Variants in SLC16A12 observed in about 807,000 individuals in gnomAD.
The protein encoded by SLC16A12 is solute carrier family 16 member 12.
In SLC16A12, 17 loss-of-function variants were observed where a neutral mutation model predicts 42.4. The ratio of observed to expected loss-of-function variants is 0.40; its 90% CI spans 0.27 to 0.60. The LOEUF (loss-of-function observed/expected upper bound fraction) is 0.60, where lower values mean the gene tolerates loss of function less well. SLC16A12 is among the 20% of genes least tolerant of loss of function. The pLI is 0.42. For synonymous variants in SLC16A12, 224 were observed against 229.4 expected (o/e 0.98, Z 0.21); for missense variants, 544 against 623.0 (o/e 0.87, Z 1.35).
chr10:89,553,644 T>C (rs1409470779), intron 2 of SLC16A12, among the ~76,000 whole-genome samples: 1 of 152,096 alleles, frequency 6.6e-6, no homozygotes, highest in South Asian at 2.1e-4. Flanking sequence ...GGTTAGGGAG[T>C]GAACTGCTCA....
intron 2 of SLC16A12, among the ~76,000 whole-genome samples, chr10:89,542,785 C>T (rs1013270390): frequency 1.7e-4 from 26 of 152,174 alleles, no homozygotes; most frequent in African/African-American, 6.3e-4. Context: ...GAAACTCTGG[C>T]CATTCCTATT....
chr10:89,440,027 C>A (rs117660249), intron 5 of SLC16A12, among the ~76,000 whole-genome samples: 1 of 140,628 alleles, frequency 7.1e-6, no homozygotes, highest in Non-Finnish European at 1.5e-5. Flanking sequence ...GCTGAGATTG[C>A]GCCACTGCAC....
intron 2 of SLC16A12, among the ~76,000 whole-genome samples, chr10:89,524,933 T>C (rs747048185): frequency 1.3e-5 from 2 of 152,206 alleles, no homozygotes; most frequent in Non-Finnish European, 2.9e-5. Context: ...AAAGCTAAAC[T>C]GAGGCCGGGA....
chr10:89,439,201 T>A lies in SLC16A12; in HGVS notation c.449-18A>T, dbSNP rs777524548. 21 of 1,609,614 alleles carry A rather than the reference T, an allele frequency of 1.3e-5. No individual in the cohort carries two copies. Among genetic ancestry groups the A allele is most frequent in the African/African-American group, 2.7e-5 (2 of 74,848 alleles). ...TCCAAGACCTGAGGATAAAGAGAAC[T>A]CTATGAGTGCTGAAGTACCATAAAC... On this transcript the variant is annotated intron_variant, in intron 5 of 7. Transcript: ENST00000371790.
At chr10:89,553,498 G>T (rs1011109764) in intron 2 of SLC16A12, among the ~76,000 whole-genome samples, 1 of 152,172 alleles carries the variant, frequency 6.6e-6, no homozygotes, top group African/African-American at 2.4e-5. Flanking sequence ...TGTCTTAATA[G>T]TTCGCAGGCA....
At chr10:89,458,052 T>C (rs993837319) in intron 3 of SLC16A12, among the ~76,000 whole-genome samples, 5 of 152,294 alleles carry the variant, frequency 3.3e-5, no homozygotes, top group East Asian at 1.9e-4. Context: ...TATTTGTAGA[T>C]AGGAGCATAA....
chr10:89,542,246 T>C (rs746721104), intron 2 of SLC16A12, among the ~76,000 whole-genome samples: 2 of 152,134 alleles, frequency 1.3e-5, no homozygotes, highest in African/African-American at 2.4e-5. Context: ...CTAACAAATA[T>C]TATTTTTGAA....
chr10:89,499,486 G>A (rs946554543), intron 2 of SLC16A12, among the ~76,000 whole-genome samples: 1 of 152,126 alleles, frequency 6.6e-6, no homozygotes, highest in African/African-American at 2.4e-5. Flanking sequence ...CCTGGGAGGT[G>A]GAGGTTACGG....
intron 2 of SLC16A12, among the ~76,000 whole-genome samples, chr10:89,495,836 T>C (rs1385064429): frequency 6.6e-6 from 1 of 152,194 alleles, no homozygotes; most frequent in Non-Finnish European, 1.5e-5. Context: ...TCTTACTACA[T>C]ATCACTAGCT....
At chr10:89,500,011 T>C (rs1158967116) in intron 2 of SLC16A12, among the ~76,000 whole-genome samples, 2 of 152,146 alleles carry the variant, frequency 1.3e-5, no homozygotes, top group African/African-American at 4.8e-5. Context: ...TCAAGGCTAT[T>C]ATGAATACCT....
intron 2 of SLC16A12, among the ~76,000 whole-genome samples, chr10:89,547,103 A>G (rs182842405): frequency 5.3e-5 from 8 of 152,290 alleles, no homozygotes; most frequent in Non-Finnish European, 1.0e-4. Context: ...CATGGCACAC[A>G]TGTATCTATG....
At chr10:89,484,632 A>G (rs959764234) in intron 2 of SLC16A12, among the ~76,000 whole-genome samples, 1 of 152,190 alleles carries the variant, frequency 6.6e-6, no homozygotes, top group Non-Finnish European at 1.5e-5. Flanking sequence ...GGCATGCAGT[A>G]TGATGAATGT....
At chr10:89,547,305 GA>G (rs1370016251) in intron 2 of SLC16A12, among the ~76,000 whole-genome samples, 3 of 152,006 alleles carry the variant, frequency 2.0e-5, no homozygotes, top group Non-Finnish European at 2.9e-5. Flanking sequence ...ATTACTTGAG[GA>G]AAAAAACATT....
At chr10:89,501,552 T>C (rs1842991011) in intron 2 of SLC16A12, among the ~76,000 whole-genome samples, 1 of 151,824 alleles carries the variant, frequency 6.6e-6, no homozygotes. Flanking sequence ...AAACATAAAG[T>C]GGGGAAAGGT....
At chr10:89,513,812 G>C (rs1043565186) in intron 2 of SLC16A12, among the ~76,000 whole-genome samples, 3 of 152,114 alleles carry the variant, frequency 2.0e-5, no homozygotes, top group South Asian at 2.1e-4. Flanking sequence ...TGGTTAAATG[G>C]GCATTCTTAA....
chr10:89,539,885 C>CT (rs1554834016), upstream of SLC16A12, among the ~76,000 whole-genome samples: 1 of 144,466 alleles, frequency 6.9e-6, no homozygotes, highest in South Asian at 2.2e-4. Context: ...TTCTTTCTTT[C>CT]TTTCTTTCTT....
Position 89,430,303 on chromosome 10 carries a change from G to T in SLC16A12, c.*2761C>A, listed in dbSNP as rs1841676440. 1 of 230,044 alleles carries T rather than the reference G, an allele frequency of 4.3e-6. No individual in the cohort carries two copies. The highest frequency in any genetic ancestry group is 2.4e-5 in the African/African-American group (1 of 41,864). The allele number at this position is 230,044 out of a possible 1,614,324, so 14.3% of individuals were successfully genotyped here. A position where few individuals can be genotyped will look rare whatever the true frequency, so the allele number is the denominator to read the frequency against. On this transcript the variant is annotated 3_prime_UTR_variant, in exon 8 of 8. Coordinates refer to ENST00000371790, the MANE Select transcript of SLC16A12 (RefSeq NM_213606.4). ...AGGGAAAAATGTCTTTCCAAACACA[G>T]GACAATAAATTCATTTTATTTTGCT... is the stretch of plus-strand genomic sequence containing the variant.
At chr10:89,441,776 C>A (rs1294395752) in intron 4 of SLC16A12, among the ~76,000 whole-genome samples, 1 of 152,150 alleles carries the variant, frequency 6.6e-6, no homozygotes, top group South Asian at 2.1e-4. Flanking sequence ...TATCAAAGCC[C>A]AGAAAATCTA....
intron 2 of SLC16A12, among the ~76,000 whole-genome samples, chr10:89,528,923 G>T (rs1243011800): frequency 1.3e-5 from 2 of 152,138 alleles, no homozygotes; most frequent in African/African-American, 4.8e-5. Context: ...CTGATTTATG[G>T]ATACTAGGTT....
Sources: gnomAD v4.1 joint callset for allele counts (sites outside exome capture counted in the v4.1 genomes callset) on GRCh38, gnomAD v4.1.1 for gene constraint, MANE v1.5 for transcripts, NCBI Gene and HGNC (gene_info 2026-07-23, HGNC 2026-07-21) for gene names.